The following BCAM variants were observed in gnomAD, a reference collection of about 807,000 sequenced individuals.
The protein encoded by BCAM is basal cell adhesion molecule.
BCAM carries 61 observed loss-of-function variants against 72.4 expected under a neutral mutation model. The observed-to-expected ratio is 0.84, with a 90% CI of 0.69 to 1.04. The LOEUF (loss-of-function observed/expected upper bound fraction) is 1.04. Ranked by LOEUF, BCAM falls within the 50% of genes least tolerant of loss-of-function variation. The pLI is 0.00. For missense variants in BCAM, 909 were observed against 895.0 expected, an observed-to-expected ratio of 1.02 and a Z score of -0.20; for synonymous variants, 408 against 384.2, an observed-to-expected ratio of 1.06 and a Z score of -0.73.
chr19:44,813,655 G>A lies in BCAM; in HGVS notation c.784+35G>A. On this transcript the variant is annotated intron_variant, in intron 6 of 14. Coordinates refer to ENST00000270233, the MANE Select transcript of BCAM (RefSeq NM_005581.5). The surrounding 1 kb of genome is among the most constrained non-coding windows in gnomAD (Gnocchi z 4.2). ...TGCTGGCCTTTGACCTCTGACCTCA[G>A]GCTCCACACCTCATGAGGCCTGACC... is the stretch of plus-strand genomic sequence containing the variant. The A allele has an allele frequency of 6.3e-7, 1 of 1,598,688 alleles. No homozygotes were observed. The highest frequency in any genetic ancestry group is 8.5e-7 in the Non-Finnish European group (1 of 1,172,354).
chr19:44,814,621 GC>G lies in BCAM; in HGVS notation c.940del (p.Leu314Ter). 1 of 1,613,874 alleles carries G rather than the reference GC, an allele frequency of 6.2e-7. No individual in the cohort carries two copies. The highest frequency in any genetic ancestry group is 8.5e-7 in the Non-Finnish European group (1 of 1,179,844). ...TCTCCCAGGATGAGCAGGAGGAAGT[GC>G]TGAATGTGAATCTCGAGGGGAACTT... The part of the protein sequence containing the change: ...FRLQDEQEEV[L>X]NVNLEGNLTL... On this transcript the variant is annotated frameshift_variant, in exon 8 of 15. Coordinates refer to ENST00000270233, the MANE Select transcript of BCAM (RefSeq NM_005581.5). LOFTEE classifies it high-confidence loss of function. The surrounding 1 kb of genome is among the most constrained non-coding windows in gnomAD (Gnocchi z 4.6).
At position 44,814,820 on chromosome 19, in the gene BCAM, C is replaced by G; in HGVS notation, c.1078+60C>G. On this transcript the variant is annotated intron_variant, in intron 8 of 14. Coordinates refer to ENST00000270233, the MANE Select transcript of BCAM (RefSeq NM_005581.5). This position sits in a 1 kb window ranked among gnomAD's most constrained non-coding sequence, Gnocchi z 4.6. ...GCCCTGGCATCAGTGCCTCTGCGCC[C>G]TCCTCCCTACAGCCCTGAAGTTGCT... 1 of 1,535,360 alleles carries G rather than the reference C, an allele frequency of 6.5e-7. No individual in the cohort carries two copies. The highest frequency in any genetic ancestry group is 1.2e-5 in the South Asian group (1 of 80,912).
chr19:44,813,187 G>T lies in BCAM; in HGVS notation c.505-63G>T. ...GAGTCTGAGTGGGGAGAACTCCTGA[G>T]AGAGGAGCCCCGACTTCAGAGTCCC... On this transcript the variant is annotated intron_variant, in intron 4 of 14. Coordinates refer to ENST00000270233, the MANE Select transcript of BCAM (RefSeq NM_005581.5). This position sits in a 1 kb window ranked among gnomAD's most constrained non-coding sequence, Gnocchi z 4.2. The T allele has an allele frequency of 6.4e-7, 1 of 1,574,000 alleles. No individual in the cohort carries two copies. The highest frequency in any genetic ancestry group is 1.1e-5 in the South Asian group (1 of 88,150).
At chr19:44,816,154 C>CTAAA (rs1180537366) in intron 8 of BCAM, among the ~76,000 whole-genome samples, 1 of 151,992 alleles carries the variant, frequency 6.6e-6, no homozygotes, top group Non-Finnish European at 1.5e-5. Context: ...CCCCTCTGTA[C>CTAAA]TAAAAGTTAG....
At chr19:44,815,572 G>A (rs1298070338) in intron 8 of BCAM, among the ~76,000 whole-genome samples, 1 of 152,204 alleles carries the variant, frequency 6.6e-6, no homozygotes, top group African/African-American at 2.4e-5. Context: ...GTTGCAGTCT[G>A]CTTTCCTGAG....
rs542297297 is a variant in BCAM at position 44,821,117 on chromosome 19, T to G, written c.*196T>G. The G allele has an allele frequency of 5.1e-4, 157 of 307,004 alleles. No individual in the cohort carries two copies. The highest frequency in any genetic ancestry group is 4.5e-3 in the South Asian group (55 of 12,248). The allele number at this position is 307,004 out of a possible 1,614,324, so 19.0% of individuals were successfully genotyped here. ...CTCCGGGAGGGAAGGAGAGGGAGGG[T>G]GGGTGGGTGGGAGGGGGCCTTCCTC... On this transcript the variant is annotated 3_prime_UTR_variant, in exon 15 of 15. Transcript: ENST00000270233.
intron 2 of BCAM, chr19:44,811,726 A>G: frequency 1.0e-5 from 3 of 293,064 alleles, no homozygotes; most frequent in Admixed American, 5.0e-5. Flanking sequence ...CTCTACTAAA[A>G]ATACAAAAAT....
At position 44,812,389 on chromosome 19, in the gene BCAM, T is replaced by C. The variant is rs750040114; in HGVS notation, c.431T>C (p.Phe144Ser). The C allele has an allele frequency of 6.2e-7, 1 of 1,614,000 alleles. No homozygotes were observed. Among genetic ancestry groups the C allele is most frequent in the Non-Finnish European group, 8.5e-7 (1 of 1,179,934 alleles). Residue 144 changes from phenylalanine (F) to serine (S), a missense_variant and splice_region_variant, in exon 3 of 15, where the codon TTT (phenylalanine) becomes TCT (serine). Transcript: ENST00000270233. This position sits in a 1 kb window ranked among gnomAD's most constrained non-coding sequence, Gnocchi z 5.3. ...TAEATARLNV[F>S]AKPEATEVSP... ...GAGGCCACTGCGCGGCTCAACGTGT[T>C]TGGTAAGTGTCCTCGGGCATCCCCC... is the stretch of plus-strand genomic sequence containing the variant.
At position 44,813,398 on chromosome 19, in the gene BCAM, T is replaced by C; in HGVS notation, c.602-40T>C. On this transcript the variant is annotated intron_variant, in intron 5 of 14. Transcript: ENST00000270233. This position sits in a 1 kb window ranked among gnomAD's most constrained non-coding sequence, Gnocchi z 4.2. Reference sequence around the variant, plus strand: ...CGTGGGCTGGGGTGGGTGGCGGGGCTATGGCCTGGCTGACTGCCACCTCCC... The same window carrying C: ...CGTGGGCTGGGGTGGGTGGCGGGGCCATGGCCTGGCTGACTGCCACCTCCC... 6.2e-7 allele frequency: 1 copy of C among 1,608,604 alleles called. No homozygotes were observed. Among genetic ancestry groups the C allele is most frequent in the Non-Finnish European group, 8.5e-7 (1 of 1,177,134 alleles).
Position 44,818,063 on chromosome 19 carries a change from CAGG to C in BCAM, c.1079-454_1079-452del, listed in dbSNP as rs1968525509. Among the ~76,000 whole-genome samples the C allele has an allele frequency of 6.6e-6, 1 of 152,198 alleles. No homozygotes were observed. Among genetic ancestry groups the C allele is most frequent in the African/African-American group, 2.4e-5 (1 of 41,444 alleles). On this transcript the variant is annotated intron_variant, in intron 8 of 14. Coordinates refer to ENST00000270233, the MANE Select transcript of BCAM (RefSeq NM_005581.5). The surrounding 1 kb of genome is among the most constrained non-coding windows in gnomAD (Gnocchi z 4.6). ...TCCTAGCACTTTTGGGAGGTCAAGA[CAGG>C]AGGATCACTTGAGGCCAGGAGTTTG... is the stretch of plus-strand genomic sequence containing the variant.
intron 1 of BCAM, among the ~76,000 whole-genome samples, chr19:44,809,996 G>A (rs1399482788): frequency 6.6e-6 from 1 of 152,064 alleles, no homozygotes; most frequent in Non-Finnish European, 1.5e-5. Flanking sequence ...CCTGGACCCC[G>A]TCACCCCTCC....
At position 44,813,643 on chromosome 19, in the gene BCAM, C is replaced by T; in HGVS notation, c.784+23C>T. ...ACTGTGAGTCTGTGCTGGCCTTTGACCTCTGACCTCAGGCTCCACACCTCA... is the reference window on the plus strand; with the variant it reads ...ACTGTGAGTCTGTGCTGGCCTTTGATCTCTGACCTCAGGCTCCACACCTCA... On this transcript the variant is annotated intron_variant, in intron 6 of 14. Transcript: ENST00000270233. The surrounding 1 kb of genome is among the most constrained non-coding windows in gnomAD (Gnocchi z 4.2). 1.2e-6 allele frequency: 2 copies of T among 1,603,596 alleles called. No individual in the cohort carries two copies. The highest frequency in any genetic ancestry group is 8.5e-7 in the Non-Finnish European group (1 of 1,174,806).
At chr19:44,817,285 G>A (rs1356570478) in intron 8 of BCAM, among the ~76,000 whole-genome samples, 1 of 152,168 alleles carries the variant, frequency 6.6e-6, no homozygotes, top group Non-Finnish European at 1.5e-5. Flanking sequence ...AAAGAGCACT[G>A]CAAGTAGAGT....
Position 44,814,626 on chromosome 19 carries a change from A to G in BCAM, c.944A>G (p.Asn315Ser), listed in dbSNP as rs760025274. The change falls in exon 8 of 15, where the codon AAT (asparagine) becomes AGT (serine). Residue 315 changes from asparagine to serine, a missense_variant. Asn to Ser is a conservative substitution (Grantham distance 46). Coordinates refer to ENST00000270233, the MANE Select transcript of BCAM (RefSeq NM_005581.5). The surrounding 1 kb of genome is among the most constrained non-coding windows in gnomAD (Gnocchi z 4.6). Reference sequence around the variant, plus strand: ...CAGGATGAGCAGGAGGAAGTGCTGAATGTGAATCTCGAGGGGAACTTGACC... The same window carrying G: ...CAGGATGAGCAGGAGGAAGTGCTGAGTGTGAATCTCGAGGGGAACTTGACC... ...RLQDEQEEVL[N>S]VNLEGNLTLE... 2 of 1,613,828 alleles carry G rather than the reference A, an allele frequency of 1.2e-6. No homozygotes were observed. The highest frequency in any genetic ancestry group is 3.3e-5 in the Admixed American group (2 of 59,978).
In BCAM at chr19:44,813,406, G is replaced by T. The variant is rs1968455325; in HGVS notation, c.602-32G>T. The stretch of plus-strand genomic sequence containing the variant: ...GGGGTGGGTGGCGGGGCTATGGCCT[G>T]GCTGACTGCCACCTCCCCCGATCTC... On this transcript the variant is annotated intron_variant, in intron 5 of 14. Transcript: ENST00000270233. This position sits in a 1 kb window ranked among gnomAD's most constrained non-coding sequence, Gnocchi z 4.2. 4 of 1,607,974 alleles carry T rather than the reference G, an allele frequency of 2.5e-6. No homozygotes were observed. Among genetic ancestry groups the T allele is most frequent in the Non-Finnish European group, 3.4e-6 (4 of 1,176,980 alleles).
At chr19:44,819,936 C>G in intron 13 of BCAM, 1 of 1,293,368 alleles carries the variant, frequency 7.7e-7, no homozygotes, top group Middle Eastern at 2.9e-4. Context: ...ATCCTCATCC[C>G]CAACTGCAGC....
rs1388156577 is a variant in BCAM at position 44,813,784 on chromosome 19, C to T, written c.784+164C>T. The T allele has an allele frequency of 1.5e-5, 15 of 1,031,838 alleles. No individual in the cohort carries two copies. Among genetic ancestry groups the T allele is most frequent in the South Asian group, 1.0e-4 (6 of 59,848 alleles). 63.9% of individuals were successfully genotyped at this position (1,031,838 alleles called of 1,614,324 possible). A position where few individuals can be genotyped will look rare whatever the true frequency, so the allele number is the denominator to read the frequency against. On this transcript the variant is annotated intron_variant, in intron 6 of 14. Transcript: ENST00000270233. This position sits in a 1 kb window ranked among gnomAD's most constrained non-coding sequence, Gnocchi z 4.2. ...CCACTGACCTCTGACCTCAATTGGT[C>T]GCACAAGCCCCATCCTGACCTCTGA...
chr19:44,818,645 G>T lies in BCAM; in HGVS notation c.1194+8G>T, dbSNP rs370475792. 1.2e-6 allele frequency: 2 copies of T among 1,612,986 alleles called. No individual in the cohort carries two copies. Among genetic ancestry groups the T allele is most frequent in the Non-Finnish European group, 1.7e-6 (2 of 1,179,186 alleles). On this transcript the variant is annotated splice_region_variant and intron_variant, in intron 9 of 14. Transcript: ENST00000270233. This position sits in a 1 kb window ranked among gnomAD's most constrained non-coding sequence, Gnocchi z 4.6. ...GCCCTACGCTGGACCAAGGTGAGAG[G>T]GAGAGGAGCCCCCTCGGGCCCTGCA...
rs914688855 is a variant in BCAM, at chr19:44,820,807, G to A, written c.1866G>A (p.Gly622=). Residue 622 remains glycine, a synonymous_variant, in exon 14 of 15, where the codon GGG becomes GGA. Coordinates refer to ENST00000270233, the MANE Select transcript of BCAM (RefSeq NM_005581.5). ...GASGGARGGS[G]GFGDEC Reference sequence around the variant, plus strand: ...CCGGAGGAGCCAGGGGTGGCAGCGGGGGCTTCGGAGACGAGGTGGGTGAGG... The same window carrying A: ...CCGGAGGAGCCAGGGGTGGCAGCGGAGGCTTCGGAGACGAGGTGGGTGAGG... 5 of 1,512,078 alleles carry A rather than the reference G, an allele frequency of 3.3e-6. No homozygotes were observed. Among genetic ancestry groups the A allele is most frequent in the Non-Finnish European group, 4.4e-6 (5 of 1,127,488 alleles). 93.7% of individuals were successfully genotyped at this position (1,512,078 alleles called of 1,614,324 possible).
Sources: allele counts gnomAD v4.1 joint callset (sites outside exome capture counted in the v4.1 genomes callset), GRCh38; gene constraint gnomAD v4.1.1; non-coding constraint Gnocchi (gnomAD v3.1); transcripts MANE v1.5; gene names NCBI Gene and HGNC (gene_info 2026-07-23, HGNC 2026-07-21).